SPIDR: variants seen among roughly 807,000 people sequenced by gnomAD.
SPIDR encodes the protein scaffold protein involved in DNA repair, also known as DNA repair-scaffolding protein.
A neutral mutation model predicts 104.6 loss-of-function variants in SPIDR; 93 were observed. The observed-to-expected ratio is 0.89, with a 90% CI of 0.75 to 1.06. SPIDR has a LOEUF of 1.06. Ranked by LOEUF, SPIDR falls within the 50% of genes least tolerant of loss-of-function variation. SPIDR has a pLI of 0.00. For missense variants in SPIDR, 1,154 were observed against 1,111.2 expected (o/e 1.04, Z -0.55); for synonymous variants, 431 against 416.9 (o/e 1.03, Z -0.41).
chr8:47,442,944 A>G (rs1554698364), intron 8 of SPIDR, among the ~76,000 whole-genome samples: 4 of 152,044 alleles, frequency 2.6e-5, no homozygotes. Flanking sequence ...ATATGTTTTA[A>G]AATGCATTTA....
intron 10 of SPIDR, among the ~76,000 whole-genome samples, chr8:47,642,293 G>C (rs2069205372): frequency 6.6e-6 from 1 of 152,006 alleles, no homozygotes; most frequent in African/African-American, 2.4e-5. Flanking sequence ...GTGGGCGCCT[G>C]TAGTCCCAGC....
intron 8 of SPIDR, among the ~76,000 whole-genome samples, chr8:47,490,542 C>G (rs1554738356): frequency 1.3e-5 from 2 of 152,200 alleles, no homozygotes; most frequent in African/African-American, 2.4e-5. Flanking sequence ...AAGACACATG[C>G]ACATGTACGT....
At chr8:47,293,587 T>G (rs2040324762) in intron 4 of SPIDR, among the ~76,000 whole-genome samples, 1 of 152,092 alleles carries the variant, frequency 6.6e-6, no homozygotes, top group Non-Finnish European at 1.5e-5. Flanking sequence ...GCTGGGACTA[T>G]AGGTGTGTGC....
At chr8:47,593,703 A>C (rs1302039045) in intron 8 of SPIDR, among the ~76,000 whole-genome samples, 1 of 152,168 alleles carries the variant, frequency 6.6e-6, no homozygotes, top group Non-Finnish European at 1.5e-5. Flanking sequence ...TGCCACGTGG[A>C]GAGGGAAGTC....
intron 10 of SPIDR, among the ~76,000 whole-genome samples, chr8:47,663,489 G>A (rs1032228094): frequency 2.0e-5 from 3 of 152,192 alleles, no homozygotes; most frequent in African/African-American, 4.8e-5. Flanking sequence ...CCCTAAGAAG[G>A]CCAAGGCACT....
intron 4 of SPIDR, among the ~76,000 whole-genome samples, chr8:47,291,450 T>TA (rs2039888744): frequency 6.6e-6 from 1 of 152,158 alleles, no homozygotes; most frequent in Admixed American, 6.5e-5. Flanking sequence ...GGCGGTTTCT[T>TA]AAAGACTAAA....
chr8:47,411,157 T>A (rs2154326763), intron 7 of SPIDR, among the ~76,000 whole-genome samples: 1 of 152,334 alleles, frequency 6.6e-6, no homozygotes, highest in South Asian at 2.1e-4. Flanking sequence ...TGATTTATAA[T>A]CCTTTGGGTA....
chr8:47,432,647 C>G (rs2067566386), intron 7 of SPIDR, among the ~76,000 whole-genome samples: 1 of 152,156 alleles, frequency 6.6e-6, no homozygotes, highest in Admixed American at 6.5e-5. Context: ...GAGAGTCATG[C>G]CCAGGGAGAA....
intron 5 of SPIDR, among the ~76,000 whole-genome samples, chr8:47,357,653 CAATTG>C (rs2054824333): frequency 6.6e-6 from 1 of 152,060 alleles, no homozygotes; most frequent in African/African-American, 2.4e-5. Flanking sequence ...TCTTTTGTTT[CAATTG>C]AATTGAACTT....
intron 8 of SPIDR, among the ~76,000 whole-genome samples, chr8:47,575,097 C>T (rs1466287213): frequency 6.6e-6 from 1 of 152,052 alleles, no homozygotes; most frequent in African/African-American, 2.4e-5. Flanking sequence ...TCAGGTTATT[C>T]TTCCCAGAAC....
At chr8:47,535,728 T>A (rs561533128) in intron 8 of SPIDR, among the ~76,000 whole-genome samples, 11 of 152,154 alleles carry the variant, frequency 7.2e-5, no homozygotes, top group African/African-American at 2.6e-4. Context: ...AGAAGACACA[T>A]CCTCAACTTG....
chr8:47,423,133 G>A (rs374851818), intron 7 of SPIDR, among the ~76,000 whole-genome samples: 1 of 151,796 alleles, frequency 6.6e-6, no homozygotes, highest in Admixed American at 6.6e-5. Context: ...GTGAAACCCC[G>A]TCTCTTCTAA....
intron 5 of SPIDR, among the ~76,000 whole-genome samples, chr8:47,324,092 G>A (rs2047253372): frequency 6.6e-6 from 1 of 151,992 alleles, no homozygotes; most frequent in Non-Finnish European, 1.5e-5. Context: ...ACCTTATTCT[G>A]TAAATCATAA....
chr8:47,508,506 GA>G (rs544197611), intron 8 of SPIDR, among the ~76,000 whole-genome samples: 58 of 152,332 alleles, frequency 3.8e-4, no homozygotes, highest in Admixed American at 3.1e-3. Context: ...TCACCACCCT[GA>G]ACCTTTCAAA....
At chr8:47,342,364 T>C (rs1587343831) in intron 5 of SPIDR, among the ~76,000 whole-genome samples, 2 of 124,882 alleles carry the variant, frequency 1.6e-5, no homozygotes, top group Admixed American at 9.4e-5. Flanking sequence ...TGAGATGGAG[T>C]CTTGCTCTGT....
intron 8 of SPIDR, chr8:47,592,060 A>C: frequency 9.7e-7 from 1 of 1,025,930 alleles, no homozygotes; most frequent in Non-Finnish European, 1.5e-6. Flanking sequence ...AATGTTTCTA[A>C]GACTGTGTCC....
At chr8:47,654,264 C>CAGGTG in intron 10 of SPIDR, 1 of 966,742 alleles carries the variant, frequency 1.0e-6, no homozygotes, top group Non-Finnish European at 1.4e-6. Flanking sequence ...GAAGCACCTG[C>CAGGTG]CTAATCCATG....
intron 10 of SPIDR, among the ~76,000 whole-genome samples, chr8:47,668,454 A>G (rs2075296484): frequency 6.6e-6 from 1 of 152,080 alleles, no homozygotes; most frequent in African/African-American, 2.4e-5. Context: ...GATAAGCTCC[A>G]ACATCCATTC....
At chr8:47,505,559 G>T (rs1163547345) in intron 8 of SPIDR, among the ~76,000 whole-genome samples, 1 of 152,224 alleles carries the variant, frequency 6.6e-6, no homozygotes, top group East Asian at 1.9e-4. Context: ...CTAGGAAAGG[G>T]AATTCCCTGA....
Sources: gnomAD v4.1 joint callset for allele counts (sites outside exome capture counted in the v4.1 genomes callset) on GRCh38, gnomAD v4.1.1 for gene constraint, MANE v1.5 for transcripts, NCBI Gene and HGNC (gene_info 2026-07-23, HGNC 2026-07-21) for gene names.